PRKCE: variants seen among roughly 807,000 people sequenced by gnomAD.
PRKCE encodes protein kinase C epsilon, also known as protein kinase C epsilon type.
In PRKCE, 16 loss-of-function variants were observed where a neutral mutation model predicts 85.4. That is an observed-to-expected ratio of 0.19 (90% confidence interval 0.13 to 0.28). PRKCE has a LOEUF of 0.28. Among genes scored for constraint, PRKCE ranks in the 10% least tolerant of loss-of-function variants. The pLI is 1.00. For synonymous variants in PRKCE, 388 were observed against 371.5 expected (o/e 1.04, Z -0.51); for missense variants, 573 against 975.2 (o/e 0.59, Z 5.49).
chr2:46,064,146 G>T (rs112162064), intron 10 of PRKCE, among the ~76,000 whole-genome samples: 4 of 151,900 alleles, frequency 2.6e-5, no homozygotes, highest in African/African-American at 9.7e-5. Context: ...GCCAGGCATG[G>T]TGACACGTGC....
At position 45,817,136 on chromosome 2, in the gene PRKCE, G is replaced by T. The variant is rs1258402795; in HGVS notation, c.349-25864G>T. On this transcript the variant is annotated intron_variant, in intron 1 of 14. Coordinates refer to ENST00000306156, the MANE Select transcript of PRKCE (RefSeq NM_005400.3). ...TGTGGGTAGGGACATGCCCCAGGGGGAGCGACCTCTTTTGGGCAACGCTTT... is the reference window on the plus strand; with the variant it reads ...TGTGGGTAGGGACATGCCCCAGGGGTAGCGACCTCTTTTGGGCAACGCTTT... Among the ~76,000 whole-genome samples, 11 of 151,228 alleles carry T rather than the reference G, an allele frequency of 7.3e-5. No homozygotes were observed. The East Asian group carries it at 2.1e-3, about 29-fold the overall frequency.
chr2:45,816,069 G>A (rs1689016693), intron 1 of PRKCE, among the ~76,000 whole-genome samples: 1 of 152,218 alleles, frequency 6.6e-6, no homozygotes, highest in African/African-American at 2.4e-5. Flanking sequence ...GGCCTGTAAA[G>A]AGTACTGGAA....
chr2:45,803,657 C>T (rs1345529853), intron 1 of PRKCE, among the ~76,000 whole-genome samples: 3 of 152,166 alleles, frequency 2.0e-5, no homozygotes, highest in Admixed American at 2.0e-4. Context: ...TGGATGTGGA[C>T]AGTCAAGGAC....
chr2:45,771,471 C>T (rs1391252866), intron 1 of PRKCE, among the ~76,000 whole-genome samples: 1 of 152,076 alleles, frequency 6.6e-6, no homozygotes, highest in Non-Finnish European at 1.5e-5. Context: ...CTCAGGGTGA[C>T]CTCTCTCTCC....
intron 1 of PRKCE, among the ~76,000 whole-genome samples, chr2:45,703,020 T>TCCC (rs1553382461): frequency 1.4e-4 from 17 of 120,922 alleles, no homozygotes; most frequent in African/African-American, 3.6e-4. Flanking sequence ...AAAGCCTTTT[T>TCCC]TCCCCCCCCG....
chr2:45,790,920 T>G (rs1686982645), intron 1 of PRKCE, among the ~76,000 whole-genome samples: 1 of 152,216 alleles, frequency 6.6e-6, no homozygotes, highest in Admixed American at 6.5e-5. Context: ...ATCAGACACC[T>G]GAGGCCCGTA....
chr2:46,184,867 G>A lies in PRKCE; in HGVS notation c.2200G>A (p.Asp734Asn). ...CAAAGGTTTCTCCTACTTTGGTGAA[G>A]ACCTGATGCCCTGAGAGCCCACTGC... ...EFKGFSYFGEDLMP is the reference protein window; with the variant it reads ...EFKGFSYFGENLMP Residue 734 changes from aspartate (D) to asparagine (N), a missense_variant, in exon 15 of 15, where the codon GAC (aspartate) becomes AAC (asparagine). Asp to Asn is a conservative substitution (Grantham distance 23). Around this residue, in one of 11 missense-constraint regions of PRKCE, gnomAD observed 45 missense variants for 39.1 expected, o/e 1.15. Coordinates refer to ENST00000306156, the MANE Select transcript of PRKCE (RefSeq NM_005400.3). This position sits in a 1 kb window ranked among gnomAD's most constrained non-coding sequence, Gnocchi z 5.0. 6.3e-7 allele frequency: 1 copy of A among 1,599,802 alleles called. No individual in the cohort carries two copies. Among genetic ancestry groups the A allele is most frequent in the East Asian group, 2.2e-5 (1 of 44,886 alleles).
chr2:46,052,154 TCTTC>T (rs1708897749), intron 10 of PRKCE, among the ~76,000 whole-genome samples: 1 of 152,234 alleles, frequency 6.6e-6, no homozygotes, highest in Admixed American at 6.5e-5. Context: ...CACAGTCCCT[TCTTC>T]CTTCCAGTAG....
chr2:45,976,466 C>G lies in PRKCE; in HGVS notation c.450C>G (p.Arg150=), dbSNP rs764358959. ...KDNEERVFRE[R]MRPRKRQGAV... Reference sequence around the variant, plus strand: ...ATGAAGAGCGTGTGTTCAGGGAACGCATGCGGCCGAGGAAGCGGCAGGGGG... The same window carrying G: ...ATGAAGAGCGTGTGTTCAGGGAACGGATGCGGCCGAGGAAGCGGCAGGGGG... The change falls in exon 3 of 15, where the codon CGC becomes CGG. Residue 150 remains arginine (R), a synonymous_variant. Transcript: ENST00000306156. 5.6e-6 allele frequency: 9 copies of G among 1,599,652 alleles called. No individual in the cohort carries two copies. Among genetic ancestry groups the G allele is most frequent in the Middle Eastern group, 1.6e-4 (1 of 6,082 alleles).
chr2:45,919,265 A>G (rs1174605721), intron 2 of PRKCE, among the ~76,000 whole-genome samples: 1 of 152,242 alleles, frequency 6.6e-6, no homozygotes, highest in South Asian at 2.1e-4. Context: ...GTGAGTGAGG[A>G]TCACTGTGGA....
chr2:45,937,293 G>C lies in PRKCE; in HGVS notation c.413-39136G>C, dbSNP rs540331640. The stretch of plus-strand genomic sequence containing the variant: ...GCTGTGTCCCTTGGTCTGCCACAGA[G>C]GTCACTCCCAGAATACACTTAGGAC... On this transcript the variant is annotated intron_variant, in intron 2 of 14. Transcript: ENST00000306156. Among the ~76,000 whole-genome samples the C allele has an allele frequency of 2.0e-5, 3 of 152,330 alleles. No individual in the cohort carries two copies. The East Asian group carries it at 5.8e-4, about 29-fold the overall frequency.
intron 1 of PRKCE, among the ~76,000 whole-genome samples, chr2:45,716,203 C>T (rs1212758438): frequency 2.0e-5 from 3 of 152,212 alleles, no homozygotes; most frequent in Admixed American, 6.5e-5. Context: ...TGTATTACTT[C>T]GTTCTCATGC....
intron 1 of PRKCE, among the ~76,000 whole-genome samples, chr2:45,670,139 C>T (rs1676089268): frequency 6.6e-6 from 1 of 152,188 alleles, no homozygotes; most frequent in East Asian, 1.9e-4. Flanking sequence ...AGAGGTGGCT[C>T]TATGGACACC....
chr2:45,837,502 C>A (rs913749552), intron 1 of PRKCE, among the ~76,000 whole-genome samples: 2 of 152,172 alleles, frequency 1.3e-5, no homozygotes, highest in Non-Finnish European at 2.9e-5. Context: ...AGTGGTCCAC[C>A]TGCCTCAGTC....
intron 1 of PRKCE, among the ~76,000 whole-genome samples, chr2:45,756,316 G>T (rs1052025857): frequency 6.6e-6 from 1 of 152,214 alleles, no homozygotes; most frequent in African/African-American, 2.4e-5. Flanking sequence ...CTGCTCCCAG[G>T]CTCTAGGGGT....
intron 11 of PRKCE, among the ~76,000 whole-genome samples, chr2:46,121,518 T>C (rs1280217781): frequency 6.6e-6 from 1 of 152,186 alleles, no homozygotes; most frequent in Non-Finnish European, 1.5e-5. Flanking sequence ...CTGTACAGCA[T>C]CACACAGTGG....
chr2:45,940,988 C>A (rs1322466027), intron 2 of PRKCE, among the ~76,000 whole-genome samples: 1 of 146,488 alleles, frequency 6.8e-6, no homozygotes, highest in Non-Finnish European at 1.5e-5. Context: ...CTCGCTTGAG[C>A]CTGGGAGGTG....
At chr2:46,129,462 C>G (rs1674198853) in intron 11 of PRKCE, among the ~76,000 whole-genome samples, 1 of 152,208 alleles carries the variant, frequency 6.6e-6, no homozygotes, top group Non-Finnish European at 1.5e-5. Context: ...GCTTTCCACA[C>G]TAGGATATAA....
chr2:45,932,790 A>T (rs1313207910), intron 2 of PRKCE, among the ~76,000 whole-genome samples: 2 of 150,844 alleles, frequency 1.3e-5, no homozygotes, highest in South Asian at 2.1e-4. Flanking sequence ...CTAACTCTCT[A>T]CTCCCCCCAG....
Sources: allele counts gnomAD v4.1 joint callset (sites outside exome capture counted in the v4.1 genomes callset), GRCh38; gene constraint gnomAD v4.1.1; regional missense constraint gnomAD v4.1.1; non-coding constraint Gnocchi (gnomAD v3.1); transcripts MANE v1.5; gene names NCBI Gene and HGNC (gene_info 2026-07-23, HGNC 2026-07-21).